PTPRD: variants seen among roughly 807,000 people sequenced by gnomAD.
PTPRD encodes receptor-type tyrosine-protein phosphatase delta.
PTPRD carries 34 observed loss-of-function variants against 214.5 expected under a neutral mutation model. The ratio of observed to expected loss-of-function variants is 0.16; its 90% CI spans 0.12 to 0.21. The LOEUF (loss-of-function observed/expected upper bound fraction) is 0.21. PTPRD is among the 10% of genes least tolerant of loss of function. The pLI is 1.00. For synonymous variants in PTPRD, 1,128 were observed against 845.7 expected (o/e 1.33, Z -5.79); for missense variants, 2,545 against 2,398.7 (o/e 1.06, Z -1.27).
At chr9:9,175,047 T>A (rs1237646934) in intron 10 of PTPRD, among the ~76,000 whole-genome samples, 1 of 151,990 alleles carries the variant, frequency 6.6e-6, no homozygotes, top group Non-Finnish European at 1.5e-5. Context: ...GAAGACCCCA[T>A]CTATGAACCA....
chr9:10,099,844 G>A (rs925175029), intron 3 of PTPRD, among the ~76,000 whole-genome samples: 15 of 151,448 alleles, frequency 9.9e-5, no homozygotes, highest in African/African-American at 2.9e-4. Flanking sequence ...AAAAAGATTC[G>A]GAGACATTTT....
intron 3 of PTPRD, among the ~76,000 whole-genome samples, chr9:10,045,064 A>G (rs968541490): frequency 7.3e-5 from 11 of 151,704 alleles, no homozygotes; most frequent in Admixed American, 5.9e-4. Flanking sequence ...TTTGGGAAAG[A>G]ACATTTATTC....
intron 8 of PTPRD, among the ~76,000 whole-genome samples, chr9:9,538,621 T>C (rs1191241128): frequency 6.6e-6 from 1 of 151,842 alleles, no homozygotes; most frequent in South Asian, 2.1e-4. Flanking sequence ...AATCAGCAAA[T>C]GCCAAGAAGC....
intron 11 of PTPRD, among the ~76,000 whole-genome samples, chr9:8,968,896 A>G (rs2099217865): frequency 6.6e-6 from 1 of 152,128 alleles, no homozygotes; most frequent in African/African-American, 2.4e-5. Context: ...TATTCACTGA[A>G]GATTGAATGG....
intron 10 of PTPRD, chr9:9,090,822 T>C: frequency 2.7e-6 from 2 of 733,646 alleles, no homozygotes; most frequent in Non-Finnish European, 4.9e-6. Flanking sequence ...GACATCTCAA[T>C]GATATCTTAT....
At chr9:9,995,834 C>G (rs1451911699) in intron 4 of PTPRD, among the ~76,000 whole-genome samples, 1 of 152,146 alleles carries the variant, frequency 6.6e-6, no homozygotes, top group Non-Finnish European at 1.5e-5. Context: ...GTAAAATGCT[C>G]TGTAAACCCA....
rs1371428038 is a variant in PTPRD at position 8,528,761 on chromosome 9, C to G, written c.371G>C (p.Gly124Ala). 1 of 1,613,268 alleles carries G rather than the reference C, an allele frequency of 6.2e-7. No homozygotes were observed. The highest frequency in any genetic ancestry group is 1.1e-5 in the South Asian group (1 of 91,058). The stretch of plus-strand genomic sequence containing the variant: ...TGGGCCCATGTCAATGGTAGGGAAG[C>G]CCCTGGGAATTTGATCTTCTGCAAG... The part of the protein sequence containing the change: ...TVLREDQIPR[G>A]FPTIDMGPQL... The change falls in exon 15 of 46, where the codon GGC becomes GCC. Residue 124 changes from glycine (G) to alanine (A), a missense_variant. Gly to Ala is a moderately conservative substitution (Grantham distance 60). Coordinates refer to ENST00000381196, the MANE Select transcript of PTPRD (RefSeq NM_002839.4).
chr9:9,987,540 C>G (rs779864446), intron 4 of PTPRD, among the ~76,000 whole-genome samples: 5 of 152,046 alleles, frequency 3.3e-5, no homozygotes, highest in Non-Finnish European at 7.4e-5. Flanking sequence ...ACGAGAACAG[C>G]ACGGGAAAGA....
intron 10 of PTPRD, among the ~76,000 whole-genome samples, chr9:9,033,275 G>A (rs932303080): frequency 6.6e-6 from 1 of 152,088 alleles, no homozygotes; most frequent in Non-Finnish European, 1.5e-5. Context: ...TGCTGGAGAA[G>A]GCTTTGGAAA....
rs376065915 is a variant in PTPRD at position 10,254,532 on chromosome 9, T to C, written c.-545+86431A>G. On this transcript the variant is annotated intron_variant, in intron 3 of 45. Coordinates refer to ENST00000381196, the MANE Select transcript of PTPRD (RefSeq NM_002839.4). ...CAGTAGATGGCAAAGGAATAAAGCA[T>C]AAAAACGATTTAGCCCCATCAGCTA... is the stretch of plus-strand genomic sequence containing the variant. Among the ~76,000 whole-genome samples the C allele has an allele frequency of 5.3e-5, 8 of 152,232 alleles. No individual in the cohort carries two copies. In the East Asian group the frequency reaches 7.7e-4, roughly 15 times the overall value.
chr9:10,053,438 A>C lies in PTPRD; in HGVS notation c.-544-19648T>G, dbSNP rs150189246. Among the ~76,000 whole-genome samples, 32 of 152,264 alleles carry C rather than the reference A, an allele frequency of 2.1e-4. No homozygotes were observed. The East Asian group carries it at 6.2e-3, about 29-fold the overall frequency. ...CTGAGGCATTTGGTCAGGAGTTTAA[A>C]TATTTCATGAGGAACGTGAAATGTG... On this transcript the variant is annotated intron_variant, in intron 3 of 45. Transcript: ENST00000381196.
chr9:9,671,767 C>T (rs2096836810), intron 7 of PTPRD, among the ~76,000 whole-genome samples: 1 of 152,130 alleles, frequency 6.6e-6, no homozygotes, highest in East Asian at 1.9e-4. Flanking sequence ...CCTTTCACCT[C>T]CCGCCATGAT....
chr9:8,318,614 C>G (rs1823982380), intron 45 of PTPRD, among the ~76,000 whole-genome samples: 1 of 151,970 alleles, frequency 6.6e-6, no homozygotes, highest in African/African-American at 2.4e-5. Flanking sequence ...GACTTCCAAG[C>G]TTTCCATCCC....
At chr9:9,523,129 T>C (rs982466172) in intron 8 of PTPRD, among the ~76,000 whole-genome samples, 15 of 152,182 alleles carry the variant, frequency 9.9e-5, no homozygotes, top group Admixed American at 5.2e-4. Flanking sequence ...AGAAACATAA[T>C]GAATTTTAAG....
chr9:9,990,244 T>A (rs2095867036), intron 4 of PTPRD, among the ~76,000 whole-genome samples: 1 of 152,206 alleles, frequency 6.6e-6, no homozygotes, highest in South Asian at 2.1e-4. Context: ...CTATGGTATC[T>A]TTCCTTTCTT....
intron 4 of PTPRD, among the ~76,000 whole-genome samples, chr9:9,952,310 T>C (rs1040213257): frequency 1.2e-4 from 19 of 152,296 alleles, no homozygotes; most frequent in African/African-American, 4.6e-4. Context: ...CAGGTGATGG[T>C]ACTTAAACAG....
chr9:8,549,154 A>G (rs1195169385), intron 14 of PTPRD, among the ~76,000 whole-genome samples: 3 of 152,186 alleles, frequency 2.0e-5, no homozygotes, highest in African/African-American at 7.2e-5. Context: ...TGCGGATATA[A>G]CATAGAATTA....
chr9:8,945,163 C>T lies in PTPRD; in HGVS notation c.-104+73534G>A, dbSNP rs560882120. On this transcript the variant is annotated intron_variant, in intron 11 of 45. Coordinates refer to ENST00000381196, the MANE Select transcript of PTPRD (RefSeq NM_002839.4). ...CAAATTTTAAGGTTGAACTCTGGAT[C>T]GGTTTGTGTTACTGTAATCTCTCTT... 8.6e-5 allele frequency among the ~76,000 whole-genome samples: 13 copies of T among 151,390 alleles called. No homozygotes were observed. The East Asian group carries it at 2.0e-3, about 23-fold the overall frequency.
chr9:10,272,938 C>G (rs1057214109), intron 3 of PTPRD, among the ~76,000 whole-genome samples: 2 of 152,166 alleles, frequency 1.3e-5, no homozygotes. Flanking sequence ...CATCAGTATT[C>G]TGTCTCAATT....
Sources: allele counts gnomAD v4.1 joint callset (sites outside exome capture counted in the v4.1 genomes callset), GRCh38; gene constraint gnomAD v4.1.1; transcripts MANE v1.5; gene names NCBI Gene and HGNC (gene_info 2026-07-23, HGNC 2026-07-21).